The following TNRC6A variants were observed in gnomAD, a reference collection of about 807,000 sequenced individuals.
TNRC6A encodes the protein trinucleotide repeat-containing gene 6A protein.
TNRC6A carries 44 observed loss-of-function variants against 221.2 expected under a neutral mutation model. That is an observed-to-expected ratio of 0.20 (90% CI 0.16 to 0.26). The LOEUF is 0.26. TNRC6A is among the 10% of genes least tolerant of loss of function. The pLI is 1.00. For missense variants in TNRC6A, 2,199 were observed against 2,404.4 expected (o/e 0.91, Z 1.79); for synonymous variants, 847 against 838.5 (o/e 1.01, Z -0.18).
rs1234627775 is a variant in TNRC6A at position 24,773,862 on chromosome 16, C to CT, written c.164-3061dup. On this transcript the variant is annotated intron_variant, in intron 4 of 24. Coordinates refer to ENST00000395799, the MANE Select transcript of TNRC6A (RefSeq NM_014494.4). ...TCTTGGTTGTATATCTTCCTCTCTA[C>CT]TTTTTTTTTTAACCTTGCTGCATTG... 1.4e-4 allele frequency among the ~76,000 whole-genome samples: 21 copies of CT among 147,482 alleles called. No individual in the cohort carries two copies. In the East Asian group the frequency reaches 1.6e-3, roughly 11 times the overall value.
At chr16:24,784,290 C>T (rs1342010080) in intron 5 of TNRC6A, among the ~76,000 whole-genome samples, 1 of 152,194 alleles carries the variant, frequency 6.6e-6, no homozygotes, top group Non-Finnish European at 1.5e-5. Flanking sequence ...GAGTGAGCCA[C>T]TGTGCCCAGC....
At chr16:24,628,288 TGG>T (rs2141657352) in intron 1 of TNRC6A, among the ~76,000 whole-genome samples, 2 of 151,780 alleles carry the variant, frequency 1.3e-5, no homozygotes, top group East Asian at 3.9e-4. Context: ...GGTGTGGTGG[TGG>T]GCGCCTGTAA....
chr16:24,755,519 GT>G (rs2057232448), intron 3 of TNRC6A, among the ~76,000 whole-genome samples: 1 of 152,258 alleles, frequency 6.6e-6, no homozygotes, highest in Non-Finnish European at 1.5e-5. Flanking sequence ...CAACTCTGAG[GT>G]GGGTGTTTTT....
intron 2 of TNRC6A, among the ~76,000 whole-genome samples, chr16:24,698,746 C>T (rs1392305129): frequency 1.3e-5 from 2 of 152,078 alleles, no homozygotes; most frequent in Non-Finnish European, 2.9e-5. Context: ...GAGTCTTGCT[C>T]TGTCGCCAGG....
intron 4 of TNRC6A, among the ~76,000 whole-genome samples, chr16:24,764,365 C>A: frequency 6.7e-6 from 1 of 149,420 alleles, no homozygotes; most frequent in East Asian, 2.0e-4. Flanking sequence ...CTTGCTCTGT[C>A]GCCCAGGCTG....
chr16:24,819,854 C>T (rs1365257667), intron 21 of TNRC6A: 2 of 406,052 alleles, frequency 4.9e-6, no homozygotes, highest in African/African-American at 4.0e-5. Flanking sequence ...TAGAGCAATT[C>T]AGATTGTTTT....
At chr16:24,812,302 T>G (rs2058563122) in intron 18 of TNRC6A, among the ~76,000 whole-genome samples, 1 of 152,138 alleles carries the variant, frequency 6.6e-6, no homozygotes, top group South Asian at 2.1e-4. Flanking sequence ...TCTGCCTGCC[T>G]CAGCCTGCCA....
At chr16:24,794,353 A>G (rs139120064) in intron 7 of TNRC6A, among the ~76,000 whole-genome samples, 191 bp from the exon 8 acceptor site, 4 of 152,294 alleles carry the variant, frequency 2.6e-5, no homozygotes, top group Non-Finnish European at 4.4e-5. Flanking sequence ...AAATAAGAAT[A>G]TATTATTTTT....
At chr16:24,730,095 TGCAGCCCCGCA>T (rs2056589373) in intron 1 of TNRC6A, among the ~76,000 whole-genome samples, 147 bp from the exon 2 acceptor site, 1 of 150,328 alleles carries the variant, frequency 6.7e-6, no homozygotes, top group African/African-American at 2.4e-5. Context: ...CAGTCCGGGC[TGCAGCCCCGCA>T]GCTTTGTGAG....
Position 24,822,127 on chromosome 16 carries a change from C to T in TNRC6A, c.5353C>T (p.Leu1785=). Residue 1785 remains leucine (L), a synonymous_variant, in exon 23 of 25, where the codon CTA becomes TTA. Transcript: ENST00000395799. The part of the protein sequence containing the change: ...SSGRITNWLV[L]KNLTPQIDGS... ...AGGGAGAATAACAAATTGGCTTGTTCTAAAAAACCTTACACCTCAGGTAAG... is the reference window on the plus strand; with the variant it reads ...AGGGAGAATAACAAATTGGCTTGTTTTAAAAAACCTTACACCTCAGGTAAG... The T allele has an allele frequency of 6.2e-7, 1 of 1,614,068 alleles. No homozygotes were observed. Among genetic ancestry groups the T allele is most frequent in the Non-Finnish European group, 8.5e-7 (1 of 1,179,990 alleles).
Position 24,663,653 on chromosome 16 carries a change from T to C in TNRC6A, n.402+22644T>C, listed in dbSNP as rs1285838361. On this transcript the variant is annotated intron_variant and non_coding_transcript_variant, in intron 2 of 2. Coordinates refer to the TNRC6A transcript ENST00000566108. ...GCAGCTGTACCCTCCTAGATAGTCATATGTGCAGTGCTTAAGTCTCCCAGC... is the reference window on the plus strand; with the variant it reads ...GCAGCTGTACCCTCCTAGATAGTCACATGTGCAGTGCTTAAGTCTCCCAGC... 3 of 292,116 alleles carry C rather than the reference T, an allele frequency of 1.0e-5. No individual in the cohort carries two copies. In the Middle Eastern group the frequency reaches 3.8e-3, roughly 368 times the overall value. The allele number at this position is 292,116 out of a possible 1,614,324, so 18.1% of individuals were successfully genotyped here.
chr16:24,675,661 T>A (rs558503449), intron 2 of TNRC6A, among the ~76,000 whole-genome samples: 9 of 39,172 alleles, frequency 2.3e-4, no homozygotes, highest in South Asian at 1.0e-3. Context: ...AGCCAGAGAC[T>A]CTCTCTCTCT....
intron 11 of TNRC6A, chr16:24,803,909 GA>G (rs1189155467): frequency 1.2e-4 from 38 of 317,028 alleles, no homozygotes; most frequent in East Asian, 3.8e-4. Context: ...AAATAAAAAA[GA>G]AAAAAAAAGT....
chr16:24,812,968 C>G (rs777185427), intron 18 of TNRC6A, among the ~76,000 whole-genome samples: 6 of 147,716 alleles, frequency 4.1e-5, no homozygotes, highest in African/African-American at 1.5e-4. Context: ...CTTGACCTCC[C>G]AGACTCAGAT....
intron 6 of TNRC6A, among the ~76,000 whole-genome samples, chr16:24,792,666 C>T (rs1465863002): frequency 1.0e-4 from 11 of 109,724 alleles, no homozygotes; most frequent in Non-Finnish European, 1.0e-4. Flanking sequence ...CCTAATACTT[C>T]AGATTTTAAA....
intron 13 of TNRC6A, 52 bp downstream of exon 13, chr16:24,804,903 A>G (rs765006211): frequency 1.9e-5 from 31 of 1,613,386 alleles, no homozygotes; most frequent in Non-Finnish European, 2.6e-5. Flanking sequence ...TGTATTAGTA[A>G]TAAGATCTCT....
intron 2 of TNRC6A, among the ~76,000 whole-genome samples, chr16:24,692,509 G>T (rs2055775800): frequency 6.6e-6 from 1 of 152,158 alleles, no homozygotes; most frequent in African/African-American, 2.4e-5. Flanking sequence ...GATGGAGGTT[G>T]CAGTGAGCTG....
In TNRC6A at chr16:24,790,380, A is replaced by C; in HGVS notation, c.1738A>C (p.Asn580His). 9 of 1,614,222 alleles carry C rather than the reference A, an allele frequency of 5.6e-6. No individual in the cohort carries two copies. The highest frequency in any genetic ancestry group is 6.8e-6 in the Non-Finnish European group (8 of 1,180,046). Residue 580 changes from asparagine (N) to histidine (H), a missense_variant, in exon 6 of 25, where the codon AAC becomes CAC. By Grantham distance (68) the Asn-to-His change is moderately conservative. Coordinates refer to ENST00000395799, the MANE Select transcript of TNRC6A (RefSeq NM_014494.4). Reference sequence around the variant, plus strand: ...TGGTGTGTGGGAATCTGGTGCAGCAAACTCCCAGAGTACATCATGGGGAAG... The same window carrying C: ...TGGTGTGTGGGAATCTGGTGCAGCACACTCCCAGAGTACATCATGGGGAAG... ...GGGVWESGAA[N>H]SQSTSWGSGN...
intron 11 of TNRC6A, 192 bp downstream of exon 11, chr16:24,798,158 A>G (rs2058259387): frequency 2.4e-6 from 1 of 421,832 alleles, no homozygotes. Flanking sequence ...CAGTGGTGAT[A>G]TTAGTCTGAT....
Sources: gnomAD v4.1 joint callset for allele counts (sites outside exome capture counted in the v4.1 genomes callset) on GRCh38, gnomAD v4.1.1 for gene constraint, MANE v1.5 for transcripts, NCBI Gene and HGNC (gene_info 2026-07-23, HGNC 2026-07-21) for gene names.